The following HPSE2 variants were observed in gnomAD, a reference collection of about 807,000 sequenced individuals.
The protein encoded by HPSE2 is heparanase 2 (inactive).
HPSE2 carries 38 observed loss-of-function variants against 60.5 expected under a neutral mutation model. That is an observed-to-expected ratio of 0.63 (90% CI 0.48 to 0.82). HPSE2 has a LOEUF of 0.82. HPSE2 is among the 40% of genes least tolerant of loss of function. The pLI is 0.00. For missense variants in HPSE2, 713 were observed against 740.4 expected (o/e 0.96, Z 0.43); for synonymous variants, 295 against 293.2 (o/e 1.01, Z -0.06).
At chr10:98,947,907 T>C (rs912843194) in intron 3 of HPSE2, among the ~76,000 whole-genome samples, 1 of 152,138 alleles carries the variant, frequency 6.6e-6, no homozygotes, top group Non-Finnish European at 1.5e-5. Flanking sequence ...TAAAGTTCTT[T>C]TGATATTAAA....
At chr10:98,905,609 C>T (rs1953794069) in intron 3 of HPSE2, among the ~76,000 whole-genome samples, 1 of 152,092 alleles carries the variant, frequency 6.6e-6, no homozygotes, top group Non-Finnish European at 1.5e-5. Context: ...CCCCTGCTCC[C>T]AGACCAGCAT....
At chr10:99,243,063 T>TA in the HPSE2 span, among the ~76,000 whole-genome samples, 1 of 152,116 alleles carries the variant, frequency 6.6e-6, no homozygotes, top group Non-Finnish European at 1.5e-5. Context: ...GGTAAAAAAT[T>TA]AGAGTTAAGT....
chr10:98,518,241 G>A (rs1418634755), intron 9 of HPSE2, among the ~76,000 whole-genome samples: 6 of 152,204 alleles, frequency 3.9e-5, no homozygotes. Flanking sequence ...GTCTGCTGGT[G>A]CAGAGGTTTT....
intron 3 of HPSE2, among the ~76,000 whole-genome samples, chr10:98,764,170 G>A (rs1276966221): frequency 6.6e-6 from 1 of 151,980 alleles, no homozygotes; most frequent in Non-Finnish European, 1.5e-5. Context: ...GGTAGAAATG[G>A]TCAAATACTA....
chr10:98,526,123 T>C (rs1217327347), intron 9 of HPSE2, among the ~76,000 whole-genome samples: 1 of 152,172 alleles, frequency 6.6e-6, no homozygotes, highest in Non-Finnish European at 1.5e-5. Flanking sequence ...AGCCTGCTAG[T>C]ATGTAGATGC....
intron 3 of HPSE2, among the ~76,000 whole-genome samples, chr10:98,770,657 TTCC>T (rs1210790951): frequency 1.3e-5 from 2 of 151,738 alleles, no homozygotes; most frequent in Non-Finnish European, 2.9e-5. Context: ...TCGCCTCCCC[TTCC>T]CCCAACCACA....
chr10:98,967,332 A>G (rs929678870), intron 3 of HPSE2, among the ~76,000 whole-genome samples: 22 of 152,330 alleles, frequency 1.4e-4, no homozygotes, highest in Middle Eastern at 3.4e-3. Context: ...AAACAAAGTC[A>G]TATTTTCTTC....
chr10:98,711,890 C>A (rs770067443), intron 5 of HPSE2, among the ~76,000 whole-genome samples: 1 of 152,148 alleles, frequency 6.6e-6, no homozygotes, highest in African/African-American at 2.4e-5. Context: ...CATCCCCACA[C>A]ATCTGCTTCA....
chr10:99,268,503 G>A, the HPSE2 span, among the ~76,000 whole-genome samples: 8 of 151,580 alleles, frequency 5.3e-5, no homozygotes, highest in South Asian at 2.1e-4. Flanking sequence ...AAAATTAGCC[G>A]GGTGTGGTGG....
At chr10:98,867,649 C>G (rs1347811550) in intron 3 of HPSE2, among the ~76,000 whole-genome samples, 1 of 152,160 alleles carries the variant, frequency 6.6e-6, no homozygotes, top group Non-Finnish European at 1.5e-5. Flanking sequence ...TGGATATACA[C>G]CCCAAAGAAA....
At chr10:99,073,155 A>G (rs1017089375) in intron 3 of HPSE2, among the ~76,000 whole-genome samples, 13 of 152,174 alleles carry the variant, frequency 8.5e-5, no homozygotes, top group African/African-American at 2.4e-4. Context: ...TAATCATTCT[A>G]TTACAAAGAT....
the HPSE2 span, among the ~76,000 whole-genome samples, chr10:99,251,789 C>G: frequency 2.0e-5 from 3 of 146,772 alleles, no homozygotes; most frequent in East Asian, 5.9e-4. Flanking sequence ...CTTTAAGCAG[C>G]CAAGGCAGGA....
At chr10:98,803,661 G>A (rs934641223) in intron 3 of HPSE2, among the ~76,000 whole-genome samples, 7 of 150,952 alleles carry the variant, frequency 4.6e-5, no homozygotes, top group African/African-American at 7.4e-5. Context: ...TGAGGGCTCT[G>A]TTCTGTTCCA....
chr10:99,007,978 G>A (rs1373600979), intron 3 of HPSE2, among the ~76,000 whole-genome samples: 1 of 152,150 alleles, frequency 6.6e-6, no homozygotes, highest in African/African-American at 2.4e-5. Flanking sequence ...AGTCACTCAA[G>A]AAAAAGAGAA....
At chr10:99,272,685 A>C in the HPSE2 span, among the ~76,000 whole-genome samples, 1 of 152,184 alleles carries the variant, frequency 6.6e-6, no homozygotes, top group Non-Finnish European at 1.5e-5. Flanking sequence ...CAACATCACT[A>C]ATTATCAGGG....
At chr10:99,075,262 C>T (rs1248562130) in intron 3 of HPSE2, among the ~76,000 whole-genome samples, 1 of 151,930 alleles carries the variant, frequency 6.6e-6, no homozygotes, top group Non-Finnish European at 1.5e-5. Flanking sequence ...TTTCTAATTT[C>T]CCTTATGATT....
chr10:98,890,068 T>C (rs986738294), intron 3 of HPSE2, among the ~76,000 whole-genome samples: 1 of 152,222 alleles, frequency 6.6e-6, no homozygotes, highest in African/African-American at 2.4e-5. Context: ...TTGTTTAACA[T>C]AGTTATCTTA....
intron 3 of HPSE2, among the ~76,000 whole-genome samples, chr10:99,115,159 T>TG (rs1478509581): frequency 6.0e-5 from 9 of 149,930 alleles, no homozygotes; most frequent in East Asian, 2.0e-4. Context: ...AAATGTGTTT[T>TG]TTTTTTTTTT....
chr10:98,758,412 A>G (rs998582233), intron 3 of HPSE2, among the ~76,000 whole-genome samples: 2 of 152,204 alleles, frequency 1.3e-5, no homozygotes, highest in African/African-American at 4.8e-5. Context: ...AGAATGGGAG[A>G]GAATATTTGC....
Sources: gnomAD v4.1 joint callset for allele counts (sites outside exome capture counted in the v4.1 genomes callset) on GRCh38, gnomAD v4.1.1 for gene constraint, MANE v1.5 for transcripts, NCBI Gene and HGNC (gene_info 2026-07-23, HGNC 2026-07-21) for gene names.